The following GRXCR2 variants were observed in gnomAD, a reference collection of about 807,000 sequenced individuals.
GRXCR2 encodes the protein glutaredoxin domain-containing cysteine-rich protein 2.
In GRXCR2, 23 loss-of-function variants were observed where a neutral mutation model predicts 24.8. The observed-to-expected ratio is 0.93, with a 90% CI of 0.67 to 1.32. GRXCR2 has a LOEUF of 1.32. Ranked by LOEUF, GRXCR2 falls within the 40% of genes most tolerant of loss-of-function variation. The pLI is 0.00. For missense variants in GRXCR2, 315 were observed against 303.4 expected, an observed-to-expected ratio of 1.04 and a Z score of -0.28; for synonymous variants, 130 against 116.1, an observed-to-expected ratio of 1.12 and a Z score of -0.77.
chr5:145,893,861 A>G (rs1756907958), intron 2 of GRXCR2, among the ~76,000 whole-genome samples: 1 of 152,232 alleles, frequency 6.6e-6, no homozygotes, highest in African/African-American at 2.4e-5. Context: ...TACCTATTCC[A>G]AAATTGACCA....
chr5:145,871,445 T>C (rs1190386050), intron 1 of GRXCR2, among the ~76,000 whole-genome samples: 1 of 152,190 alleles, frequency 6.6e-6, no homozygotes, highest in Non-Finnish European at 1.5e-5. Flanking sequence ...AACTTGGCAC[T>C]CAATTTTTCT....
intron 2 of GRXCR2, among the ~76,000 whole-genome samples, chr5:145,861,613 T>C (rs988396174): frequency 6.6e-6 from 1 of 152,206 alleles, no homozygotes; most frequent in African/African-American, 2.4e-5. Context: ...GGGAGCTCTC[T>C]GGACTTGTAC....
chr5:145,909,634 T>A (rs1757137633), intron 2 of GRXCR2, among the ~76,000 whole-genome samples: 1 of 152,202 alleles, frequency 6.6e-6, no homozygotes, highest in African/African-American at 2.4e-5. Context: ...CGCCAGAATA[T>A]AAGCATGGAC....
At chr5:145,923,522 A>T (rs1757353742) in intron 2 of GRXCR2, among the ~76,000 whole-genome samples, 1 of 152,106 alleles carries the variant, frequency 6.6e-6, no homozygotes, top group Non-Finnish European at 1.5e-5. Context: ...AAGTACTCTG[A>T]CTCCCAGCTT....
At chr5:145,873,638 C>T (rs340055), upstream of GRXCR2, among the ~76,000 whole-genome samples, 5 of 152,042 alleles carry the variant, frequency 3.3e-5, no homozygotes, top group Non-Finnish European at 7.4e-5. Flanking sequence ...GAGGGAATGA[C>T]GTCCTAGATA....
intron 2 of GRXCR2, among the ~76,000 whole-genome samples, chr5:145,930,895 C>T (rs1757468451): frequency 6.6e-6 from 1 of 152,206 alleles, no homozygotes; most frequent in African/African-American, 2.4e-5. Context: ...CTAGCATCCT[C>T]ACTTTATCCA....
At chr5:145,876,983 G>A (rs924489346), upstream of GRXCR2, among the ~76,000 whole-genome samples, 16 of 152,006 alleles carry the variant, frequency 1.1e-4, no homozygotes, top group African/African-American at 3.6e-4. Flanking sequence ...TGGCAACTGG[G>A]TGGAGGATTT....
At chr5:145,874,449 G>C (rs1258785560), upstream of GRXCR2, among the ~76,000 whole-genome samples, 6 of 152,090 alleles carry the variant, frequency 3.9e-5, no homozygotes, top group Non-Finnish European at 7.4e-5. Flanking sequence ...TGATCCGCCT[G>C]CCTTGACCTC....
intron 2 of GRXCR2, among the ~76,000 whole-genome samples, chr5:145,886,160 C>T (rs529916772): frequency 1.6e-4 from 25 of 152,340 alleles, no homozygotes; most frequent in African/African-American, 5.5e-4. Context: ...TCAGTGCAGC[C>T]TCTTGGTGGC....
chr5:145,888,568 C>T (rs56328505), intron 2 of GRXCR2, among the ~76,000 whole-genome samples: 2,083 of 152,096 alleles, frequency 0.014, 60 homozygotes, highest in African/African-American at 0.047. Context: ...AAAATTTACA[C>T]CAGCTTAGAA....
rs192097963 is a variant in GRXCR2 at position 145,911,856 on chromosome 5, A to G, written c.-70+23845T>C. 4.6e-5 allele frequency among the ~76,000 whole-genome samples: 7 copies of G among 152,290 alleles called. No homozygotes were observed. In the East Asian group the frequency reaches 1.4e-3, roughly 29 times the overall value. The stretch of plus-strand genomic sequence containing the variant: ...GTAATCCCAACAGTTTGGGAAGCCA[A>G]TTTGGAAGGATCACTTGAGTCTAGA... On this transcript the variant is annotated intron_variant, in intron 2 of 3. Coordinates refer to the GRXCR2 transcript ENST00000639411.
chr5:145,894,931 T>G (rs1012989706), intron 2 of GRXCR2, among the ~76,000 whole-genome samples: 3 of 152,180 alleles, frequency 2.0e-5, no homozygotes, highest in African/African-American at 7.2e-5. Flanking sequence ...AAAAAGCTTA[T>G]TCACCATGAT....
intron 2 of GRXCR2, among the ~76,000 whole-genome samples, chr5:145,863,149 C>T (rs902594662): frequency 1.8e-4 from 27 of 152,306 alleles, no homozygotes; most frequent in Non-Finnish European, 8.8e-5. Context: ...CAAACCTGGC[C>T]GGGCTTTCAG....
At chr5:145,876,622 T>A (rs1756621866), upstream of GRXCR2, among the ~76,000 whole-genome samples, 1 of 152,146 alleles carries the variant, frequency 6.6e-6, no homozygotes, top group Non-Finnish European at 1.5e-5. Context: ...AAAATGAATG[T>A]CAGTAACAAC....
At chr5:145,870,124 C>T (rs1756505361) in intron 1 of GRXCR2, among the ~76,000 whole-genome samples, 1 of 152,136 alleles carries the variant, frequency 6.6e-6, no homozygotes, top group Non-Finnish European at 1.5e-5. Context: ...GTGTACAACT[C>T]AGTGACATTA....
chr5:145,882,622 C>T (rs1756719397), intron 2 of GRXCR2, among the ~76,000 whole-genome samples: 1 of 152,150 alleles, frequency 6.6e-6, no homozygotes, highest in South Asian at 2.1e-4. Flanking sequence ...GGCGATTCCT[C>T]AAGGATCTAG....
intron 1 of GRXCR2, among the ~76,000 whole-genome samples, chr5:145,867,112 C>T (rs909344163): frequency 6.6e-6 from 1 of 152,106 alleles, no homozygotes; most frequent in Non-Finnish European, 1.5e-5. Context: ...AATTTTTTAC[C>T]AGCATAAATA....
intron 2 of GRXCR2, among the ~76,000 whole-genome samples, chr5:145,897,403 G>T (rs1756966644): frequency 6.6e-6 from 1 of 151,782 alleles, no homozygotes; most frequent in African/African-American, 2.4e-5. Context: ...GCATTAGACA[G>T]ATAATGAAGG....
intron 2 of GRXCR2, among the ~76,000 whole-genome samples, chr5:145,893,934 T>G (rs1365959442): frequency 6.6e-6 from 1 of 152,080 alleles, no homozygotes; most frequent in Non-Finnish European, 1.5e-5. Context: ...ACAAACTGTC[T>G]CTCAGACCAC....
Sources: gnomAD v4.1 joint callset for allele counts (sites outside exome capture counted in the v4.1 genomes callset) on GRCh38, gnomAD v4.1.1 for gene constraint, MANE v1.5 for transcripts, NCBI Gene and HGNC (gene_info 2026-07-23, HGNC 2026-07-21) for gene names.